Variants in SSH2 observed in about 807,000 individuals in gnomAD.
SSH2 encodes slingshot protein phosphatase 2.
In SSH2, 37 loss-of-function variants were observed where a neutral mutation model predicts 135.2. The ratio of observed to expected loss-of-function variants is 0.27; its 90% CI spans 0.21 to 0.36. The LOEUF (loss-of-function observed/expected upper bound fraction) is 0.36, where lower values mean the gene tolerates loss of function less well. Ranked by LOEUF, SSH2 falls within the 10% of genes least tolerant of loss-of-function variation. The pLI is 1.00. For synonymous variants in SSH2, 628 were observed against 646.2 expected, an observed-to-expected ratio of 0.97 and a Z score of 0.43; for missense variants, 1,408 against 1,765.3, an observed-to-expected ratio of 0.80 and a Z score of 3.63.
intron 3 of SSH2, chr17:29,761,428 G>T: frequency 9.9e-7 from 1 of 1,010,006 alleles, no homozygotes; most frequent in Non-Finnish European, 1.2e-6. Flanking sequence ...GGTAGAGTCC[G>T]GACTGACGGG....
At chr17:29,830,638 C>CA (rs1220573692) in intron 2 of SSH2, among the ~76,000 whole-genome samples, 1 of 152,142 alleles carries the variant, frequency 6.6e-6, no homozygotes, top group East Asian at 1.9e-4. Context: ...GTGTCTAGCA[C>CA]ATAGGAGGTA....
At chr17:29,715,629 G>A (rs1245243810) in intron 3 of SSH2, among the ~76,000 whole-genome samples, 1 of 152,114 alleles carries the variant, frequency 6.6e-6, no homozygotes, top group African/African-American at 2.4e-5. Flanking sequence ...GCTTAAAATG[G>A]TATGGTTATT....
rs1177072768 is a variant in SSH2 at position 29,630,922 on chromosome 17, G to A, written c.4272C>T (p.His1424=). 8.7e-6 allele frequency: 14 copies of A among 1,608,606 alleles called. No homozygotes were observed. The African/African-American group carries it at 1.1e-4, about 12-fold the overall frequency. Residue 1424 remains histidine, a synonymous_variant, in exon 16 of 16, where the codon CAC becomes CAT. Transcript: ENST00000540801. ...PGLAVAPRQQ[H]GRTHPLRRLK... is the part of the protein sequence containing the mutation. ...GTCTCCTAAGGGGGTGAGTTCTGCCGTGTTGCTGACGGGGTGCCACGGCCA... is the reference window on the plus strand; with the variant it reads ...GTCTCCTAAGGGGGTGAGTTCTGCCATGTTGCTGACGGGGTGCCACGGCCA...
chr17:29,741,165 G>A (rs569348512), intron 3 of SSH2, among the ~76,000 whole-genome samples: 1 of 152,270 alleles, frequency 6.6e-6, no homozygotes, highest in Admixed American at 6.5e-5. Flanking sequence ...AGTAGCTCAG[G>A]TGAACTGAAA....
At chr17:29,725,732 A>G (rs1245954080) in intron 3 of SSH2, among the ~76,000 whole-genome samples, 1 of 152,188 alleles carries the variant, frequency 6.6e-6, no homozygotes, top group African/African-American at 2.4e-5. Context: ...GGAACATCAC[A>G]CACTGGGGCC....
chr17:29,865,830 G>C (rs2065843653), intron 1 of SSH2, among the ~76,000 whole-genome samples: 1 of 152,190 alleles, frequency 6.6e-6, no homozygotes, highest in Non-Finnish European at 1.5e-5. Flanking sequence ...GCTGGGCATG[G>C]AGGCTCACGC....
chr17:29,764,435 A>G (rs901205270), intron 3 of SSH2, among the ~76,000 whole-genome samples: 2 of 152,194 alleles, frequency 1.3e-5, no homozygotes, highest in Admixed American at 6.5e-5. Context: ...TTTACTCTCC[A>G]CTGTCGGGAA....
intron 1 of SSH2, chr17:29,925,180 A>G (rs12938819): frequency 0.04 from 7,224 of 180,776 alleles, 200 homozygotes; most frequent in Non-Finnish European, 0.058. Context: ...CCCAAAAACC[A>G]CTCTGAAAAG....
chr17:29,807,573 A>G (rs745615362), intron 2 of SSH2, among the ~76,000 whole-genome samples: 8 of 152,218 alleles, frequency 5.3e-5, no homozygotes, highest in Non-Finnish European at 1.0e-4. Flanking sequence ...TCCAAAATAT[A>G]CAGTATAAAT....
At chr17:29,720,488 G>A (rs533271004) in intron 3 of SSH2, among the ~76,000 whole-genome samples, 1 of 152,194 alleles carries the variant, frequency 6.6e-6, no homozygotes, top group East Asian at 1.9e-4. Context: ...TAAACCACGG[G>A]GAACAGAGAA....
intron 1 of SSH2, among the ~76,000 whole-genome samples, chr17:29,904,421 T>C (rs576082356): frequency 5.9e-5 from 9 of 152,306 alleles, no homozygotes; most frequent in Non-Finnish European, 1.3e-4. Context: ...TCTCAATGGA[T>C]GAAGAAAAGG....
At chr17:29,753,174 G>A (rs888317272) in intron 3 of SSH2, among the ~76,000 whole-genome samples, 3 of 151,858 alleles carry the variant, frequency 2.0e-5, no homozygotes, top group Non-Finnish European at 4.4e-5. Flanking sequence ...TCAGTCACCC[G>A]GGCTGGAGTG....
chr17:29,680,551 C>CAAAAAAAAAAAAAAA lies in SSH2; in HGVS notation c.480-2825_480-2811dup, dbSNP rs1160865828. Among the ~76,000 whole-genome samples the CAAAAAAAAAAAAAAA allele has an allele frequency of 9.3e-5, 2 of 21,520 alleles. 1 individual carries two copies. Among genetic ancestry groups the CAAAAAAAAAAAAAAA allele is most frequent in the Non-Finnish European group, 1.6e-4 (2 of 12,854 alleles). The allele number at this position is 21,520 out of a possible 152,430, so 14.1% of individuals were successfully genotyped here. On this transcript the variant is annotated intron_variant, in intron 6 of 15. Transcript: ENST00000540801. ...TGGGAGACACAGCAAGACTCCCTCT[C>CAAAAAAAAAAAAAAA]AAAAAAAAAAAAAAAAAAAAAAAAA...
intron 1 of SSH2, among the ~76,000 whole-genome samples, chr17:29,880,826 G>A (rs1030147152): frequency 6.6e-6 from 1 of 152,092 alleles, no homozygotes; most frequent in African/African-American, 2.4e-5. Context: ...TTTTTGTGTA[G>A]GACATTTTAT....
At chr17:29,654,644 A>G (rs916634156) in intron 12 of SSH2, among the ~76,000 whole-genome samples, 1 of 152,244 alleles carries the variant, frequency 6.6e-6, no homozygotes, top group Non-Finnish European at 1.5e-5. Flanking sequence ...ATGAACTTCA[A>G]TAAGAAACTT....
chr17:29,742,280 A>C (rs544166515), intron 3 of SSH2, among the ~76,000 whole-genome samples: 153 of 150,146 alleles, frequency 1.0e-3, no homozygotes, highest in South Asian at 4.0e-3. Context: ...AAAAAACCAA[A>C]CAAACAAAAA....
At chr17:29,926,507 T>C (rs1293800045) in intron 1 of SSH2, among the ~76,000 whole-genome samples, 1 of 151,780 alleles carries the variant, frequency 6.6e-6, no homozygotes, top group Non-Finnish European at 1.5e-5. Context: ...TGAGCCGAGA[T>C]TGTGCTGCTG....
Position 29,667,172 on chromosome 17 carries a change from C to T in SSH2, c.861G>A (p.Glu287=). Residue 287 remains glutamate, a synonymous_variant, in exon 10 of 16, where the codon GAG becomes GAA. Transcript: ENST00000540801. ...TERLIKTKLR[E]IMMQKDLENI... is the part of the protein sequence containing the mutation. ...TCTCCAAATCCTTCTGCATCATGAT[C>T]TCCCTTAATTTGGTTTTAATTAGCC... 1.9e-6 allele frequency: 3 copies of T among 1,613,764 alleles called. No individual in the cohort carries two copies. The highest frequency in any genetic ancestry group is 2.5e-6 in the Non-Finnish European group (3 of 1,179,776).
intron 3 of SSH2, among the ~76,000 whole-genome samples, chr17:29,768,402 C>T (rs977754318): frequency 2.0e-5 from 3 of 151,004 alleles, no homozygotes; most frequent in Admixed American, 6.6e-5. Context: ...AAGCAGTTCT[C>T]CTGGCTCAAC....
Sources: allele counts gnomAD v4.1 joint callset (sites outside exome capture counted in the v4.1 genomes callset), GRCh38; gene constraint gnomAD v4.1.1; transcripts MANE v1.5; gene names NCBI Gene and HGNC (gene_info 2026-07-23, HGNC 2026-07-21).